ARHGEF18: variants seen among roughly 807,000 people sequenced by gnomAD.
The protein encoded by ARHGEF18 is rho guanine nucleotide exchange factor 18.
Under a neutral mutation model 155.7 loss-of-function variants are expected in ARHGEF18, and 93 were observed. The observed-to-expected ratio is 0.60, with a 90% CI of 0.50 to 0.71. The LOEUF (loss-of-function observed/expected upper bound fraction) is 0.71, where lower values mean the gene tolerates loss of function less well. Ranked by LOEUF, ARHGEF18 falls within the 30% of genes least tolerant of loss-of-function variation. ARHGEF18 has a pLI of 0.00. For synonymous variants in ARHGEF18, 742 were observed against 753.1 expected (o/e 0.99, Z 0.24); for missense variants, 1,593 against 1,816.1 (o/e 0.88, Z 2.23).
At chr19:7,357,050 G>A (rs1969335333) in intron 1 of ARHGEF18, among the ~76,000 whole-genome samples, 1 of 152,190 alleles carries the variant, frequency 6.6e-6, no homozygotes. Context: ...GATAAAAGTT[G>A]TTGGTGGCTG....
At chr19:7,466,042 C>T (rs1285823403) in intron 23 of ARHGEF18, among the ~76,000 whole-genome samples, 4 of 151,912 alleles carry the variant, frequency 2.6e-5, no homozygotes, top group Non-Finnish European at 4.4e-5. Flanking sequence ...CGAGATTGCA[C>T]CACTGCACTC....
intron 10 of ARHGEF18, among the ~76,000 whole-genome samples, chr19:7,392,240 CAAA>C (rs3997574): frequency 7.1e-4 from 51 of 72,040 alleles, no homozygotes; most frequent in African/African-American, 2.0e-3. Context: ...GACTCCGTCT[CAAA>C]AAAAAAAAAA....
rs1250002135 is a variant in ARHGEF18, at chr19:7,373,005, G to A, written c.209G>A (p.Gly70Glu). 8.1e-7 allele frequency: 1 copy of A among 1,234,340 alleles called. No homozygotes were observed. Among genetic ancestry groups the A allele is most frequent in the Admixed American group, 4.2e-5 (1 of 23,710 alleles). The allele number at this position is 1,234,340 out of a possible 1,614,324, so 76.5% of individuals were successfully genotyped here. Residue 70 changes from glycine (G) to glutamate (E), a missense_variant, in exon 3 of 29, where the codon GGG (glycine) becomes GAG (glutamate). By Grantham distance (98) the Gly-to-Glu change is moderately conservative. Transcript: ENST00000668164. ...GRDSLFSSLAGSQDLSRRRSW... is the reference protein window; with the variant it reads ...GRDSLFSSLAESQDLSRRRSW... Reference sequence around the variant, plus strand: ...GATTCTCTTTTCTCCAGCTTGGCAGGGTCCCAAGACCTGTCAAGGCGGCGC... The same window carrying A: ...GATTCTCTTTTCTCCAGCTTGGCAGAGTCCCAAGACCTGTCAAGGCGGCGC...
chr19:7,437,219 G>T (rs1475814389), intron 10 of ARHGEF18, among the ~76,000 whole-genome samples: 2 of 152,028 alleles, frequency 1.3e-5, no homozygotes, highest in Non-Finnish European at 2.9e-5. Flanking sequence ...ACCTGAAGTT[G>T]GGAGTTCGAG....
chr19:7,387,100 C>G (rs571473739), intron 10 of ARHGEF18, among the ~76,000 whole-genome samples: 1 of 152,240 alleles, frequency 6.6e-6, no homozygotes, highest in African/African-American at 2.4e-5. Flanking sequence ...CAACAATTTT[C>G]TAAGCCAGGG....
At chr19:7,374,431 C>G (rs998002603) in intron 3 of ARHGEF18, among the ~76,000 whole-genome samples, 1 of 152,100 alleles carries the variant, frequency 6.6e-6, no homozygotes, top group Non-Finnish European at 1.5e-5. Context: ...AATCCCAGCA[C>G]TTTGGGAGGC....
At chr19:7,401,989 A>G (rs2145572914) in intron 10 of ARHGEF18, among the ~76,000 whole-genome samples, 1 of 152,346 alleles carries the variant, frequency 6.6e-6, no homozygotes, top group African/African-American at 2.4e-5. Context: ...GTATGATTCC[A>G]TTTATATGAA....
At chr19:7,475,525 A>AACAC (rs145950630), downstream of ARHGEF18, among the ~76,000 whole-genome samples, 13,555 of 150,388 alleles carry the variant, frequency 0.09, 673 homozygotes, top group South Asian at 0.18. Context: ...AAACTGTTTA[A>AACAC]ACACACACAC....
At chr19:7,361,485 T>C (rs1969546865) in intron 1 of ARHGEF18, among the ~76,000 whole-genome samples, 1 of 152,072 alleles carries the variant, frequency 6.6e-6, no homozygotes, top group African/African-American at 2.4e-5. Flanking sequence ...TAAGCATAGA[T>C]TAGCATGTAC....
intron 3 of ARHGEF18, among the ~76,000 whole-genome samples, chr19:7,375,370 G>A (rs61430220): frequency 0.23 from 32,968 of 141,178 alleles, 4,176 homozygotes; most frequent in Non-Finnish European, 0.28. Context: ...AGGAAGGAAG[G>A]AAGGAAGAAA....
chr19:7,451,131 T>C lies in ARHGEF18; in HGVS notation c.1738-18T>C. 1 of 1,612,398 alleles carries C rather than the reference T, an allele frequency of 6.2e-7. No individual in the cohort carries two copies. Among genetic ancestry groups the C allele is most frequent in the Non-Finnish European group, 8.5e-7 (1 of 1,178,492 alleles). On this transcript the variant is annotated intron_variant, in intron 15 of 28. Coordinates refer to ENST00000668164, the MANE Select transcript of ARHGEF18 (RefSeq NM_001367823.1). ...GTTTCTGAGATGTTAATACAGGATCTTGCTTTCTGTTTCCTAGAAAATTGG... is the reference window on the plus strand; with the variant it reads ...GTTTCTGAGATGTTAATACAGGATCCTGCTTTCTGTTTCCTAGAAAATTGG...
chr19:7,385,261 TGAACCATGCA>T (rs1171102506), intron 10 of ARHGEF18, among the ~76,000 whole-genome samples: 31 of 152,172 alleles, frequency 2.0e-4, no homozygotes, highest in African/African-American at 7.2e-4. Flanking sequence ...CAGGCTGAGC[TGAACCATGCA>T]CTTCCTTCTG....
At chr19:7,375,303 A>T (rs1351485451) in intron 3 of ARHGEF18, among the ~76,000 whole-genome samples, 1 of 146,294 alleles carries the variant, frequency 6.8e-6, no homozygotes, top group Non-Finnish European at 1.5e-5. Flanking sequence ...AGAAAGAAAG[A>T]AAAGAAAGAA....
chr19:7,386,636 C>T lies in ARHGEF18; in HGVS notation c.967+3433C>T, dbSNP rs534720330. Among the ~76,000 whole-genome samples the T allele has an allele frequency of 9.1e-4, 139 of 152,060 alleles. 1 individual carries two copies. In the Middle Eastern group the frequency reaches 0.01, roughly 11 times the overall value. On this transcript the variant is annotated intron_variant, in intron 10 of 28. Transcript: ENST00000668164. Reference sequence around the variant, plus strand: ...GAAAGGTCCCAGGGCAGGAATGTGCCCCGGGCAGCAGAAAGGCCAGTGTGC... The same window carrying T: ...GAAAGGTCCCAGGGCAGGAATGTGCTCCGGGCAGCAGAAAGGCCAGTGTGC...
At position 7,362,280 on chromosome 19, in the gene ARHGEF18, A is replaced by G. The variant is rs528022850; in HGVS notation, c.-110-501A>G. Among the ~76,000 whole-genome samples the G allele has an allele frequency of 7.3e-5, 11 of 150,732 alleles. 1 individual carries two copies. Among genetic ancestry groups the G allele is most frequent in the Admixed American group, 2.0e-4 (3 of 15,078 alleles). On this transcript the variant is annotated intron_variant, in intron 1 of 28. Transcript: ENST00000668164. ...AAGAAGAAAGGAAGAAGGAAGGAGA[A>G]GAAGAGGAGGAGGAAGAAGGAGAAG...
Position 7,440,205 on chromosome 19 carries a change from GTCT to G in ARHGEF18, c.968-134_968-132del, listed in dbSNP as rs1555720850. The G allele has an allele frequency of 6.4e-7, 1 of 1,551,520 alleles. No homozygotes were observed. Among genetic ancestry groups the G allele is most frequent in the Non-Finnish European group, 8.7e-7 (1 of 1,147,008 alleles). On this transcript the variant is annotated intron_variant, in intron 10 of 28. Transcript: ENST00000668164. This position sits in a 1 kb window ranked among gnomAD's most constrained non-coding sequence, Gnocchi z 5.4. ...TTTCCCCAGGAAATGGAGCGAGAAC[GTCT>G]TCTTGGATAACGAGCTGCTGACCTC...
chr19:7,451,336 C>G (rs1975451092), intron 16 of ARHGEF18, 70 bp downstream of exon 16: 1 of 1,333,660 alleles, frequency 7.5e-7, no homozygotes, highest in Non-Finnish European at 1.1e-6. Context: ...TGTACCCACT[C>G]CCTATTTGAG....
chr19:7,385,601 G>A (rs1970968786), intron 10 of ARHGEF18, among the ~76,000 whole-genome samples: 1 of 151,188 alleles, frequency 6.6e-6, no homozygotes, highest in South Asian at 2.1e-4. Context: ...CCAGCCTCCC[G>A]AGTAGCGGGG....
chr19:7,395,539 G>A lies in ARHGEF18; in HGVS notation c.967+12336G>A, dbSNP rs531570021. Among the ~76,000 whole-genome samples, 1 of 152,240 alleles carries A rather than the reference G, an allele frequency of 6.6e-6. No individual in the cohort carries two copies. The highest frequency in any genetic ancestry group is 1.9e-4 in the East Asian group (1 of 5,156). On this transcript the variant is annotated intron_variant, in intron 10 of 28. Coordinates refer to ENST00000668164, the MANE Select transcript of ARHGEF18 (RefSeq NM_001367823.1). The surrounding 1 kb of genome is among the most constrained non-coding windows in gnomAD (Gnocchi z 5.0). ...TACGGCTTACTCTCCTCCAGGAGAG[G>A]AGAGGAGGGGTCACTTGGGCCCCAG... is the stretch of plus-strand genomic sequence containing the variant.
Sources: gnomAD v4.1 joint callset for allele counts (sites outside exome capture counted in the v4.1 genomes callset) on GRCh38, gnomAD v4.1.1 for gene constraint, Gnocchi (gnomAD v3.1) non-coding constraint, MANE v1.5 for transcripts, NCBI Gene and HGNC (gene_info 2026-07-23, HGNC 2026-07-21) for gene names.